BRWD3: variants seen among roughly 807,000 people sequenced by gnomAD.
The protein encoded by BRWD3 is bromodomain and WD repeat-containing protein 3.
BRWD3 carries 10 observed loss-of-function variants against 149.7 expected under a neutral mutation model. The observed-to-expected ratio is 0.07, with a 90% CI of 0.04 to 0.11. BRWD3 has a LOEUF of 0.11. Among genes scored for constraint, BRWD3 ranks in the 10% least tolerant of loss-of-function variants. The pLI is 1.00. For synonymous variants in BRWD3, 504 were observed against 456.7 expected, an observed-to-expected ratio of 1.10 and a Z score of -1.32; for missense variants, 940 against 1,373.2, an observed-to-expected ratio of 0.68 and a Z score of 4.99.
intron 27 of BRWD3, among the ~76,000 whole-genome samples, chrX:80,694,779 T>C (rs1393233466): frequency 1.8e-5 from 2 of 111,488 alleles, no homozygotes; most frequent in Non-Finnish European, 3.8e-5. Flanking sequence ...CCACTGTATC[T>C]AGCAAGTAAC....
intron 6 of BRWD3, among the ~76,000 whole-genome samples, chrX:80,771,972 A>G (rs936220612): frequency 8.1e-5 from 9 of 111,518 alleles, no homozygotes; most frequent in African/African-American, 2.6e-4. Flanking sequence ...GAAACAACAG[A>G]TGCTGGAGAG....
chrX:80,747,970 C>T (rs914986188), intron 6 of BRWD3, among the ~76,000 whole-genome samples: 10 of 111,201 alleles, frequency 9.0e-5, no homozygotes, highest in African/African-American at 3.3e-4. Context: ...AATGCACTGG[C>T]TCAGACTTCC....
intron 6 of BRWD3, among the ~76,000 whole-genome samples, chrX:80,751,606 T>C (rs2073668621): frequency 8.9e-6 from 1 of 112,038 alleles, no homozygotes; most frequent in South Asian, 3.7e-4. Flanking sequence ...GTGTGCAATT[T>C]TGTTACATGC....
chrX:80,691,022 T>A, intron 31 of BRWD3, 31 bp downstream of exon 31: 2 of 1,198,451 alleles, frequency 1.7e-6, no homozygotes, highest in Non-Finnish European at 2.3e-6. Flanking sequence ...AAGCTATAAA[T>A]TTTATAATAA....
chrX:80,682,101 G>A lies in BRWD3; in HGVS notation c.4398-7C>T, dbSNP rs374506776. On this transcript the variant is annotated splice_polypyrimidine_tract_variant and splice_region_variant and intron_variant, in intron 38 of 40. Transcript: ENST00000373275. Reference sequence around the variant, plus strand: ...TTTCTGCTTCCCTTTTGGACTAGAAGTAAAAATATGTAACAACGAGCATTT... The same window carrying A: ...TTTCTGCTTCCCTTTTGGACTAGAAATAAAAATATGTAACAACGAGCATTT... The A allele has an allele frequency of 2.0e-5, 24 of 1,172,066 alleles. No homozygotes were observed. In the African/African-American group the frequency reaches 4.1e-4, roughly 20 times the overall value.
chrX:80,729,996 T>C lies in BRWD3; in HGVS notation c.1152A>G (p.Arg384=). Residue 384 remains arginine, a synonymous_variant, in exon 13 of 41, where the codon CGA becomes CGG. Transcript: ENST00000373275. The part of the protein sequence containing the change: ...GDSLRFVSGS[R]DGTARIWQYQ... The stretch of plus-strand genomic sequence containing the variant: ...ACTGCCAAATTCTTGCCGTTCCATC[T>C]CGACTTCCACTAACAAATCTTAAAC... 1 of 1,199,915 alleles carries C rather than the reference T, an allele frequency of 8.3e-7. No individual in the cohort carries two copies. The highest frequency in any genetic ancestry group is 1.8e-5 in the South Asian group (1 of 56,711).
chrX:80,684,418 C>T (rs1378317445), intron 36 of BRWD3, among the ~76,000 whole-genome samples: 1 of 111,845 alleles, frequency 8.9e-6, no homozygotes, highest in Admixed American at 9.5e-5. Flanking sequence ...AATCCATAGC[C>T]GTTGGCTTCA....
In BRWD3 at chrX:80,716,197, G is replaced by A; in HGVS notation, c.2285C>T (p.Thr762Ile). 1 of 1,209,460 alleles carries A rather than the reference G, an allele frequency of 8.3e-7. No homozygotes were observed. The highest frequency in any genetic ancestry group is 1.1e-6 in the Non-Finnish European group (1 of 893,980). Reference sequence around the variant, plus strand: ...AGATGGCTTTTTCTTCTTTTCAACTGTATAAAGACTGATTTCTATGTCACC... The same window carrying A: ...AGATGGCTTTTTCTTCTTTTCAACTATATAAAGACTGATTTCTATGTCACC... ...AKGDIEISLYTVEKKKKPSYT... is the reference protein window; with the variant it reads ...AKGDIEISLYIVEKKKKPSYT... Residue 762 changes from threonine (T) to isoleucine (I), a missense_variant, in exon 20 of 41, where the codon ACA (threonine) becomes ATA (isoleucine). Coordinates refer to ENST00000373275, the MANE Select transcript of BRWD3 (RefSeq NM_153252.5).
intron 19 of BRWD3, 147 bp from the exon 20 acceptor site, chrX:80,716,397 G>A: frequency 2.1e-6 from 1 of 487,461 alleles, no homozygotes; most frequent in East Asian, 3.8e-5. Flanking sequence ...ATTACATTCA[G>A]AAAGTTGTGC....
chrX:80,754,011 T>C (rs2073705946), intron 6 of BRWD3, among the ~76,000 whole-genome samples: 2 of 112,205 alleles, frequency 1.8e-5, no homozygotes, highest in South Asian at 3.7e-4. Flanking sequence ...TGCACTCTTT[T>C]TGGTTCCATA....
At chrX:80,683,918 GC>G in intron 37 of BRWD3, 91 bp downstream of exon 37, 1 of 892,146 alleles carries the variant, frequency 1.1e-6, no homozygotes, top group Non-Finnish European at 1.6e-6. Flanking sequence ...TGCCTAACAA[GC>G]AATCCATGTT....
chrX:80,763,673 A>G (rs1406907956), intron 6 of BRWD3, among the ~76,000 whole-genome samples: 1 of 112,223 alleles, frequency 8.9e-6, no homozygotes, highest in Non-Finnish European at 1.9e-5. Context: ...TATACATTTA[A>G]CAGAATATGC....
chrX:80,716,601 G>C (rs2147743861), intron 19 of BRWD3, among the ~76,000 whole-genome samples: 1 of 111,736 alleles, frequency 8.9e-6, no homozygotes, highest in South Asian at 3.7e-4. Flanking sequence ...TTTGTCTCTG[G>C]CTTCTTTTGC....
intron 9 of BRWD3, 109 bp from the exon 10 acceptor site, chrX:80,735,306 A>C (rs2073387498): frequency 1.5e-5 from 9 of 610,322 alleles, no homozygotes; most frequent in Non-Finnish European, 2.2e-5. Context: ...TTATAGAAAA[A>C]ACAAAAGGAA....
intron 5 of BRWD3, among the ~76,000 whole-genome samples, chrX:80,792,734 T>C (rs967403349): frequency 1.8e-5 from 2 of 111,577 alleles, no homozygotes; most frequent in African/African-American, 6.5e-5. Flanking sequence ...ATTACTCCAA[T>C]AGGCATCTTT....
chrX:80,683,070 A>T (rs2072478015), intron 37 of BRWD3, among the ~76,000 whole-genome samples: 1 of 111,635 alleles, frequency 9.0e-6, no homozygotes, highest in Non-Finnish European at 1.9e-5. Flanking sequence ...AACTGGAAAC[A>T]ACCTAAATCC....
In BRWD3 at chrX:80,725,075, A is replaced by G. The variant is rs745977084; in HGVS notation, c.1387-8T>C. 8.3e-7 allele frequency: 1 copy of G among 1,205,788 alleles called. No homozygotes were observed. Among genetic ancestry groups the G allele is most frequent in the African/African-American group, 1.7e-5 (1 of 57,707 alleles). ...TACTTCATCATCATGTCCCTATAAT[A>G]AAAATCAGTATTAACAATGAAAGCA... is the stretch of plus-strand genomic sequence containing the variant. On this transcript the variant is annotated splice_polypyrimidine_tract_variant and splice_region_variant and intron_variant, in intron 14 of 40. Transcript: ENST00000373275.
chrX:80,756,132 T>C (rs921642724), intron 6 of BRWD3, among the ~76,000 whole-genome samples: 2 of 111,802 alleles, frequency 1.8e-5, no homozygotes, highest in African/African-American at 6.5e-5. Flanking sequence ...CAGCGGTTTA[T>C]TTATTTATTC....
chrX:80,767,946 T>C (rs754748786), intron 6 of BRWD3, among the ~76,000 whole-genome samples: 2 of 111,760 alleles, frequency 1.8e-5, no homozygotes, highest in Admixed American at 9.5e-5. Flanking sequence ...GAAGCTTCAA[T>C]AGCCGATTCG....
Sources: gnomAD v4.1 joint callset for allele counts (sites outside exome capture counted in the v4.1 genomes callset) on GRCh38, gnomAD v4.1.1 for gene constraint, MANE v1.5 for transcripts, NCBI Gene and HGNC (gene_info 2026-07-23, HGNC 2026-07-21) for gene names.